Variants in RUFY2 observed in about 807,000 individuals in gnomAD.
RUFY2 encodes RUN and FYVE domain-containing protein 2.
In RUFY2, 49 loss-of-function variants were observed where a neutral mutation model predicts 94.4. That is an observed-to-expected ratio of 0.52 (90% confidence interval 0.41 to 0.66). The LOEUF is 0.66. RUFY2 is among the 30% of genes least tolerant of loss of function. RUFY2 has a pLI of 0.00. For missense variants in RUFY2, 541 were observed against 692.8 expected, an observed-to-expected ratio of 0.78 and a Z score of 2.46; for synonymous variants, 255 against 235.7, an observed-to-expected ratio of 1.08 and a Z score of -0.75.
rs1293536687 is a variant in RUFY2 at position 68,376,460 on chromosome 10, A to C, written c.1325+393T>G. ...AATGTGTGTATATATATATATATAT[A>C]TATATATATATATATATATATATAT... On this transcript the variant is annotated intron_variant, in intron 13 of 17. Transcript: ENST00000602465. Among the ~76,000 whole-genome samples, 2 of 28,134 alleles carry C rather than the reference A, an allele frequency of 7.1e-5. 1 individual carries two copies. Among genetic ancestry groups the C allele is most frequent in the South Asian group, 1.8e-3 (2 of 1,086 alleles). 18.5% of individuals were successfully genotyped at this position (28,134 alleles called of 152,430 possible). A position where few individuals can be genotyped will look rare whatever the true frequency, so the allele number is the denominator to read the frequency against.
chr10:68,342,098 C>CT, downstream of RUFY2: 1 of 1,336,582 alleles, frequency 7.5e-7, no homozygotes, highest in Non-Finnish European at 1.0e-6. Context: ...AGCATCTGGT[C>CT]TACTAGACTT....
chr10:68,343,245 A>G (rs1309470580), downstream of RUFY2: 2 of 152,176 alleles, frequency 1.3e-5, no homozygotes. Flanking sequence ...TCTAAAATCA[A>G]ATTGGTAGAA....
intron 10 of RUFY2, among the ~76,000 whole-genome samples, chr10:68,383,153 C>G (rs954882300): frequency 1.3e-4 from 19 of 151,968 alleles, no homozygotes; most frequent in African/African-American, 4.4e-4. Context: ...GGCAAAGCCC[C>G]ATCTCTATAA....
chr10:68,405,740 CTG>C (rs2051243659), intron 1 of RUFY2: 5 of 979,824 alleles, frequency 5.1e-6, no homozygotes, highest in Admixed American at 6.2e-5. Flanking sequence ...TTCATTCTGA[CTG>C]TAGTTCTGTA....
chr10:68,359,626 A>G (rs1450291594), intron 15 of RUFY2, among the ~76,000 whole-genome samples: 2 of 147,520 alleles, frequency 1.4e-5, no homozygotes, highest in African/African-American at 2.5e-5. Context: ...ATAAAAATAT[A>G]CATAGTAGTA....
intron 13 of RUFY2, among the ~76,000 whole-genome samples, chr10:68,369,194 A>G (rs2132566941): frequency 6.6e-6 from 1 of 152,340 alleles, no homozygotes; most frequent in South Asian, 2.1e-4. Context: ...AATATTAAGA[A>G]GTAAGGCCTT....
intron 15 of RUFY2, among the ~76,000 whole-genome samples, chr10:68,360,073 G>A (rs1237559390): frequency 6.6e-6 from 1 of 151,710 alleles, no homozygotes; most frequent in Non-Finnish European, 1.5e-5. Context: ...TGATCCGCCC[G>A]CCTCAGCTTC....
intron 1 of RUFY2, 92 bp downstream of exon 1, chr10:68,407,094 C>T (rs896228585): frequency 1.3e-6 from 2 of 1,506,634 alleles, no homozygotes; most frequent in South Asian, 2.5e-5. Context: ...GCGGCCTCGG[C>T]GTCTCCCCCA....
intron 13 of RUFY2, among the ~76,000 whole-genome samples, chr10:68,370,434 G>A (rs536167675): frequency 3.0e-4 from 46 of 150,826 alleles, no homozygotes; most frequent in Non-Finnish European, 4.1e-4. Context: ...GCAGTAACAA[G>A]GCATTTCTTT....
At chr10:68,405,476 T>C in intron 1 of RUFY2, 1 of 974,788 alleles carries the variant, frequency 1.0e-6, no homozygotes, top group Non-Finnish European at 1.2e-6. Context: ...TTTAAAATGA[T>C]CTTCTATGGA....
At chr10:68,406,837 C>T (rs1391894437) in intron 1 of RUFY2, 6 of 1,612,456 alleles carry the variant, frequency 3.7e-6, no homozygotes, top group Non-Finnish European at 4.2e-6. Context: ...GTCTTCCCTC[C>T]GCCACCCCCA....
At chr10:68,406,609 C>A in intron 1 of RUFY2, 1 of 793,556 alleles carries the variant, frequency 1.3e-6, no homozygotes, top group East Asian at 3.2e-5. Flanking sequence ...CCAAACCCGG[C>A]CGCAGGCGCG....
chr10:68,351,634 G>C (rs2046682734), intron 16 of RUFY2, among the ~76,000 whole-genome samples: 1 of 150,628 alleles, frequency 6.6e-6, no homozygotes, highest in Non-Finnish European at 1.5e-5. Context: ...ATTTTTAGTA[G>C]AGGCGGGGTT....
At chr10:68,342,996 G>A (rs954225435), downstream of RUFY2, 3 of 152,118 alleles carry the variant, frequency 2.0e-5, no homozygotes, top group Admixed American at 2.0e-4. Flanking sequence ...TCTGATCCCT[G>A]CTTGGAGTTT....
intron 2 of RUFY2, 22 bp from the exon 3 acceptor site, chr10:68,401,759 G>A: frequency 7.4e-7 from 1 of 1,343,666 alleles, no homozygotes; most frequent in Non-Finnish European, 1.1e-6. Flanking sequence ...AACACATAAT[G>A]CACACAATGT....
intron 6 of RUFY2, 146 bp downstream of exon 6, chr10:68,393,928 CT>C: frequency 5.0e-6 from 7 of 1,394,324 alleles, no homozygotes; most frequent in Non-Finnish European, 6.6e-6. Context: ...CTTTGTAAAG[CT>C]TGTAATGGAA....
At chr10:68,406,410 G>A (rs2051307270) in intron 1 of RUFY2, among the ~76,000 whole-genome samples, 1 of 152,100 alleles carries the variant, frequency 6.6e-6, no homozygotes, top group Admixed American at 6.5e-5. Context: ...CATAATCCGT[G>A]GCAACTCTCA....
chr10:68,398,676 T>A (rs919751891), intron 3 of RUFY2, among the ~76,000 whole-genome samples: 46 of 151,800 alleles, frequency 3.0e-4, no homozygotes, highest in African/African-American at 1.1e-3. Flanking sequence ...ATAATTTTTT[T>A]AAAAAGCAAC....
chr10:68,368,578 G>A (rs2048028864), intron 13 of RUFY2, among the ~76,000 whole-genome samples: 1 of 152,008 alleles, frequency 6.6e-6, no homozygotes, highest in Non-Finnish European at 1.5e-5. Flanking sequence ...AGAATCGCTT[G>A]AACCCGGGAG....
Sources: allele counts gnomAD v4.1 joint callset (sites outside exome capture counted in the v4.1 genomes callset), GRCh38; gene constraint gnomAD v4.1.1; transcripts MANE v1.5; gene names NCBI Gene and HGNC (gene_info 2026-07-23, HGNC 2026-07-21).